MACROD2: variants seen among roughly 807,000 people sequenced by gnomAD.
The protein encoded by MACROD2 is mono-ADP ribosylhydrolase 2.
Under a neutral mutation model 70.4 loss-of-function variants are expected in MACROD2, and 36 were observed. That is an observed-to-expected ratio of 0.51 (90% CI 0.39 to 0.68). The LOEUF (loss-of-function observed/expected upper bound fraction) is 0.68. MACROD2 is among the 30% of genes least tolerant of loss of function. The pLI is 0.00. For synonymous variants in MACROD2, 172 were observed against 178.8 expected (o/e 0.96, Z 0.30); for missense variants, 496 against 538.4 (o/e 0.92, Z 0.78).
chr20:14,305,751 C>G lies in MACROD2; in HGVS notation c.272-187728C>G, dbSNP rs1374274968. Among the ~76,000 whole-genome samples, 6 of 152,166 alleles carry G rather than the reference C, an allele frequency of 3.9e-5. No individual in the cohort carries two copies. In the East Asian group the frequency reaches 1.2e-3, roughly 29 times the overall value. Reference sequence around the variant, plus strand: ...TGAAAATTCTTTAACATTCTAGTCCCTTTGACCAAGCTTATAAAGTGCCCA... The same window carrying G: ...TGAAAATTCTTTAACATTCTAGTCCGTTTGACCAAGCTTATAAAGTGCCCA... On this transcript the variant is annotated intron_variant, in intron 3 of 17. Transcript: ENST00000684519.
chr20:15,495,052 G>T (rs1375314317), intron 7 of MACROD2, among the ~76,000 whole-genome samples: 1 of 152,128 alleles, frequency 6.6e-6, no homozygotes, highest in Non-Finnish European at 1.5e-5. Flanking sequence ...ATACTTGGAA[G>T]AAATTTCCCA....
At chr20:14,678,473 T>G (rs558299017) in intron 4 of MACROD2, among the ~76,000 whole-genome samples, 37 of 152,268 alleles carry the variant, frequency 2.4e-4, no homozygotes, top group African/African-American at 8.7e-4. Context: ...TCCTATAATA[T>G]ATATATTTTT....
chr20:14,248,470 C>G (rs545076449), intron 3 of MACROD2, among the ~76,000 whole-genome samples: 10 of 152,256 alleles, frequency 6.6e-5, no homozygotes, highest in African/African-American at 1.2e-4. Flanking sequence ...GTAATCCCAG[C>G]TACTCTGGAG....
At chr20:14,363,802 G>A (rs1388317186) in intron 3 of MACROD2, among the ~76,000 whole-genome samples, 12 of 126,616 alleles carry the variant, frequency 9.5e-5, no homozygotes, top group Non-Finnish European at 1.7e-4. Flanking sequence ...GGGCGACAGA[G>A]CCAGACTCTG....
chr20:14,627,106 A>C (rs997492183), intron 4 of MACROD2: 2 of 152,190 alleles, frequency 1.3e-5, no homozygotes, highest in African/African-American at 4.8e-5. Context: ...GCTCCCAGAG[A>C]GTGAGAATTT....
chr20:14,700,404 A>G (rs2071181339), intron 5 of MACROD2, among the ~76,000 whole-genome samples: 1 of 152,106 alleles, frequency 6.6e-6, no homozygotes, highest in Admixed American at 6.6e-5. Flanking sequence ...ATAATTGAGT[A>G]TCTAGCAAAA....
intron 4 of MACROD2, among the ~76,000 whole-genome samples, chr20:14,634,978 A>C (rs968818223): frequency 6.6e-6 from 1 of 151,998 alleles, no homozygotes; most frequent in Non-Finnish European, 1.5e-5. Flanking sequence ...GCCAGAGAGA[A>C]CTCTGGGGTT....
chr20:14,898,917 A>G (rs2073862794), intron 5 of MACROD2, among the ~76,000 whole-genome samples: 1 of 152,206 alleles, frequency 6.6e-6, no homozygotes, highest in Non-Finnish European at 1.5e-5. Context: ...ATGGGAACTA[A>G]TAAAGCTGTA....
At chr20:14,845,311 T>A (rs1233739346) in intron 5 of MACROD2, among the ~76,000 whole-genome samples, 1 of 152,118 alleles carries the variant, frequency 6.6e-6, no homozygotes, top group East Asian at 1.9e-4. Flanking sequence ...CAGTTGTATT[T>A]CTAGAGAGGA....
At chr20:15,399,628 T>C (rs774123588) in intron 6 of MACROD2, among the ~76,000 whole-genome samples, 39 of 152,260 alleles carry the variant, frequency 2.6e-4, no homozygotes, top group Non-Finnish European at 4.4e-4. Flanking sequence ...ACCCAAATGA[T>C]GGCACTCTTC....
intron 3 of MACROD2, among the ~76,000 whole-genome samples, chr20:14,197,939 G>A (rs187784455): frequency 6.6e-6 from 1 of 152,292 alleles, no homozygotes; most frequent in East Asian, 1.9e-4. Context: ...AAATGGGTAT[G>A]ATTTTAGAAA....
chr20:15,169,540 A>G (rs2076408782), intron 5 of MACROD2, among the ~76,000 whole-genome samples: 2 of 152,232 alleles, frequency 1.3e-5, no homozygotes, highest in South Asian at 2.1e-4. Context: ...ATTTGCAAGA[A>G]TTAAAAGAAT....
intron 6 of MACROD2, among the ~76,000 whole-genome samples, chr20:15,320,473 A>C (rs2077862542): frequency 6.6e-6 from 1 of 152,204 alleles, no homozygotes; most frequent in South Asian, 2.1e-4. Context: ...GCTTCTGTTT[A>C]CCAGACTACT....
At chr20:14,398,408 T>A (rs1415764970) in intron 3 of MACROD2, among the ~76,000 whole-genome samples, 4 of 47,930 alleles carry the variant, frequency 8.3e-5, no homozygotes, top group South Asian at 1.6e-3. Flanking sequence ...TTGCCAGCAT[T>A]TTTTTTTTTT....
intron 5 of MACROD2, among the ~76,000 whole-genome samples, chr20:15,094,362 G>A (rs2075813733): frequency 2.0e-5 from 3 of 151,932 alleles, no homozygotes; most frequent in Admixed American, 1.3e-4. Flanking sequence ...CACCTATTAT[G>A]AGCATGCATT....
intron 5 of MACROD2, among the ~76,000 whole-genome samples, chr20:15,128,168 G>T (rs1000780426): frequency 3.3e-5 from 5 of 152,026 alleles, no homozygotes; most frequent in Non-Finnish European, 5.9e-5. Context: ...AGGTGTTTTA[G>T]CTCTAAGAAT....
chr20:15,964,099 A>T (rs896288716), intron 12 of MACROD2, among the ~76,000 whole-genome samples: 2 of 152,190 alleles, frequency 1.3e-5, no homozygotes, highest in African/African-American at 2.4e-5. Flanking sequence ...CCAAATGATA[A>T]TTTTTAGAAT....
At chr20:14,657,433 A>C (rs1986030740) in intron 4 of MACROD2, among the ~76,000 whole-genome samples, 1 of 152,224 alleles carries the variant, frequency 6.6e-6, no homozygotes, top group Admixed American at 6.5e-5. Context: ...GGTTTGGCAG[A>C]GTGAAGCACT....
At chr20:15,976,757 C>G (rs1467400850) in intron 13 of MACROD2, among the ~76,000 whole-genome samples, 1 of 152,104 alleles carries the variant, frequency 6.6e-6, no homozygotes, top group Admixed American at 6.6e-5. Context: ...AAAAAAAATT[C>G]TATTTCAAGA....
Sources: allele counts gnomAD v4.1 joint callset (sites outside exome capture counted in the v4.1 genomes callset), GRCh38; gene constraint gnomAD v4.1.1; transcripts MANE v1.5; gene names NCBI Gene and HGNC (gene_info 2026-07-23, HGNC 2026-07-21).